The following SNRNP70 variants were observed in gnomAD, a reference collection of about 807,000 sequenced individuals.
SNRNP70 encodes the protein U1 small nuclear ribonucleoprotein 70 kDa.
In SNRNP70, 8 loss-of-function variants were observed where a neutral mutation model predicts 50.5. The observed-to-expected ratio is 0.16, with a 90% CI of 0.09 to 0.29. SNRNP70 has a LOEUF of 0.29. Ranked by LOEUF, SNRNP70 falls within the 10% of genes least tolerant of loss-of-function variation. The pLI is 1.00. For missense variants in SNRNP70, 529 were observed against 663.5 expected (o/e 0.80, Z 2.23); for synonymous variants, 320 against 252.9 (o/e 1.27, Z -2.52).
At chr19:49,087,046 A>C (rs2040390163) in intron 2 of SNRNP70, among the ~76,000 whole-genome samples, 1 of 151,608 alleles carries the variant, frequency 6.6e-6, no homozygotes, top group Non-Finnish European at 1.5e-5. Context: ...AATTAGCCGG[A>C]CATGGTGCCT....
At chr19:49,098,826 A>G in intron 6 of SNRNP70, 122 bp downstream of exon 6, 2 of 785,900 alleles carry the variant, frequency 2.5e-6, no homozygotes. Context: ...GCCTGGATTT[A>G]TGCATCCTGA....
At chr19:49,097,577 A>G (rs1215681200) in intron 4 of SNRNP70, among the ~76,000 whole-genome samples, 1 of 152,200 alleles carries the variant, frequency 6.6e-6, no homozygotes, top group Non-Finnish European at 1.5e-5. Context: ...CCAGAATGTG[A>G]CAGGGCTTCC....
Position 49,108,404 on chromosome 19 carries a change from T to C in SNRNP70, c.1275T>C (p.Ala425=). ...MESEGGDGYL[A]PENGYLMEAA... ...CTGAGGGCGGCGACGGCTACCTGGC[T>C]CCGGAGAATGGGTATTTGATGGAGG... Residue 425 remains alanine (A), a synonymous_variant, in exon 10 of 10, where the codon GCT becomes GCC. Transcript: ENST00000598441. 6.2e-7 allele frequency: 1 copy of C among 1,610,854 alleles called. No homozygotes were observed. The highest frequency in any genetic ancestry group is 2.2e-5 in the East Asian group (1 of 44,686).
At chr19:49,088,042 C>T (rs979018433) in intron 2 of SNRNP70, among the ~76,000 whole-genome samples, 1 of 151,770 alleles carries the variant, frequency 6.6e-6, no homozygotes, top group Non-Finnish European at 1.5e-5. Flanking sequence ...CAGGCATGCA[C>T]CACCACGCCT....
chr19:49,102,353 G>A (rs745391318), intron 7 of SNRNP70: 11 of 337,046 alleles, frequency 3.3e-5, no homozygotes, highest in South Asian at 2.2e-4. Context: ...GCCCCGATCC[G>A]TATGCTCTCT....
chr19:49,106,281 G>A (rs566514985), intron 8 of SNRNP70, among the ~76,000 whole-genome samples: 1 of 152,206 alleles, frequency 6.6e-6, no homozygotes, highest in African/African-American at 2.4e-5. Flanking sequence ...GAATCTTCTA[G>A]TTCAATTGCC....
In SNRNP70 at chr19:49,107,499, C is replaced by A. The variant is rs1455265491; in HGVS notation, c.578-126C>A. The A allele has an allele frequency of 2.4e-6, 2 of 819,794 alleles. No individual in the cohort carries two copies. Among genetic ancestry groups the A allele is most frequent in the African/African-American group, 3.4e-5 (2 of 58,614 alleles). 50.8% of individuals were successfully genotyped at this position (819,794 alleles called of 1,614,324 possible). Reference sequence around the variant, plus strand: ...GCGCGGGATGAACTGCACGGGGGGACCCGGCCCTGTGAACACTAAGCCAGG... The same window carrying A: ...GCGCGGGATGAACTGCACGGGGGGAACCGGCCCTGTGAACACTAAGCCAGG... On this transcript the variant is annotated intron_variant, in intron 8 of 9. Transcript: ENST00000598441. This position sits in a 1 kb window ranked among gnomAD's most constrained non-coding sequence, Gnocchi z 6.0.
At chr19:49,093,840 C>CAAAACA (rs534099055) in intron 4 of SNRNP70, among the ~76,000 whole-genome samples, 5 of 150,924 alleles carry the variant, frequency 3.3e-5, no homozygotes, top group Admixed American at 6.6e-5. Context: ...CTAAAAATAC[C>CAAAACA]AAAACAAAAA....
At chr19:49,092,197 C>A (rs1430241601) in intron 4 of SNRNP70, among the ~76,000 whole-genome samples, 1 of 152,194 alleles carries the variant, frequency 6.6e-6, no homozygotes. Flanking sequence ...CACCCTCCGC[C>A]TCCCAGGTTC....
At chr19:49,098,086 T>C (rs983660973) in intron 4 of SNRNP70, among the ~76,000 whole-genome samples, 7 of 152,352 alleles carry the variant, frequency 4.6e-5, no homozygotes, top group African/African-American at 1.7e-4. Context: ...TATTACTGTT[T>C]GGATCACCTT....
In SNRNP70 at chr19:49,104,318, C is replaced by T. The variant is rs897657054; in HGVS notation, c.476-316C>T. ...AGTTTCTTTGCAGCGATTTTGGCCG[C>T]CCTGGCGGGAGGGGGCTGTTCCATC... On this transcript the variant is annotated intron_variant, in intron 7 of 9. Coordinates refer to ENST00000598441, the MANE Select transcript of SNRNP70 (RefSeq NM_003089.6). This position sits in a 1 kb window ranked among gnomAD's most constrained non-coding sequence, Gnocchi z 5.4. 1 of 312,970 alleles carries T rather than the reference C, an allele frequency of 3.2e-6. No homozygotes were observed. The highest frequency in any genetic ancestry group is 5.1e-5 in the Admixed American group (1 of 19,664). The allele number at this position is 312,970 out of a possible 1,614,324, so 19.4% of individuals were successfully genotyped here.
chr19:49,091,600 C>T (rs1012797988), intron 4 of SNRNP70, among the ~76,000 whole-genome samples: 5 of 152,118 alleles, frequency 3.3e-5, no homozygotes, highest in Admixed American at 6.6e-5. Flanking sequence ...CATCATCAAA[C>T]GACGCACTTC....
chr19:49,098,822 AT>A, intron 6 of SNRNP70, 118 bp downstream of exon 6: 1 of 805,968 alleles, frequency 1.2e-6, no homozygotes, highest in East Asian at 2.5e-5. Context: ...CAGGGCCTGG[AT>A]TTATGCATCC....
In SNRNP70 at chr19:49,108,250, G is replaced by T; in HGVS notation, c.1121G>T (p.Arg374Leu). ...CGGGACCGGGATCGTGACCGTGACC[G>T]TGACCGCGAGCACAAACGGGGGGAG... Reference protein sequence around the residue: ...RRRDRDRDRDRDREHKRGERG... With the variant: ...RRRDRDRDRDLDREHKRGERG... Residue 374 changes from arginine (R) to leucine (L), a missense_variant, in exon 10 of 10, where the codon CGT becomes CTT. Arg to Leu is a moderately radical substitution (Grantham distance 102, BLOSUM62 -2). Coordinates refer to ENST00000598441, the MANE Select transcript of SNRNP70 (RefSeq NM_003089.6). 1 of 1,546,148 alleles carries T rather than the reference G, an allele frequency of 6.5e-7. No homozygotes were observed. The highest frequency in any genetic ancestry group is 8.7e-7 in the Non-Finnish European group (1 of 1,145,604).
In SNRNP70 at chr19:49,107,608, C is replaced by G; in HGVS notation, c.578-17C>G. On this transcript the variant is annotated splice_polypyrimidine_tract_variant and intron_variant, in intron 8 of 9. Coordinates refer to ENST00000598441, the MANE Select transcript of SNRNP70 (RefSeq NM_003089.6). This position sits in a 1 kb window ranked among gnomAD's most constrained non-coding sequence, Gnocchi z 6.0. Reference sequence around the variant, plus strand: ...TCCCTGCCCAGATTCACCCTCTGTCCGTCTGCCCTGCCCCAGGAGGAGGCC... The same window carrying G: ...TCCCTGCCCAGATTCACCCTCTGTCGGTCTGCCCTGCCCCAGGAGGAGGCC... The G allele has an allele frequency of 1.2e-6, 2 of 1,612,150 alleles. No homozygotes were observed. The highest frequency in any genetic ancestry group is 1.7e-6 in the Non-Finnish European group (2 of 1,178,288).
intron 8 of SNRNP70, among the ~76,000 whole-genome samples, chr19:49,105,521 G>T (rs949323732): frequency 3.9e-5 from 6 of 152,078 alleles, no homozygotes; most frequent in Non-Finnish European, 8.8e-5. Flanking sequence ...GAGGTCAGGA[G>T]TTCGAGACCA....
intron 4 of SNRNP70, 36 bp downstream of exon 4, chr19:49,090,556 C>T (rs1013804813): frequency 6.3e-7 from 1 of 1,598,256 alleles, no homozygotes; most frequent in Admixed American, 1.7e-5. Flanking sequence ...TCTCTCCTCT[C>T]CCAAACCCTC....
Position 49,104,265 on chromosome 19 carries a change from A to G in SNRNP70, c.476-369A>G, listed in dbSNP as rs948753157. ...GTTGTGGAGGAGCCCCCTCCCCCAC[A>G]GCAGAGTCCAGCGTGGAGTTAACCT... On this transcript the variant is annotated intron_variant, in intron 7 of 9. Transcript: ENST00000598441. The surrounding 1 kb of genome is among the most constrained non-coding windows in gnomAD (Gnocchi z 5.4). 2.0e-5 allele frequency: 4 copies of G among 195,424 alleles called. No individual in the cohort carries two copies. The highest frequency in any genetic ancestry group is 1.2e-4 in the Admixed American group (2 of 16,260). The allele number at this position is 195,424 out of a possible 1,614,324, so 12.1% of individuals were successfully genotyped here.
chr19:49,108,209 C>A lies in SNRNP70; in HGVS notation c.1080C>A (p.Ser360Arg). The change falls in exon 10 of 10, where the codon AGC (serine) becomes AGA (arginine). Residue 360 changes from serine to arginine, a missense_variant. Transcript: ENST00000598441. ...RDRERRRSHR[S>R]ERERRRDRDR... ...GGGAGCGACGGCGGAGCCACCGGAG[C>A]GAGCGCGAGCGGCGCCGGGACCGGG... The A allele has an allele frequency of 6.5e-7, 1 of 1,531,376 alleles. No homozygotes were observed. The allele number at this position is 1,531,376 out of a possible 1,614,324, so 94.9% of individuals were successfully genotyped here.
Sources: allele counts gnomAD v4.1 joint callset (sites outside exome capture counted in the v4.1 genomes callset), GRCh38; gene constraint gnomAD v4.1.1; non-coding constraint Gnocchi (gnomAD v3.1); transcripts MANE v1.5; gene names NCBI Gene and HGNC (gene_info 2026-07-23, HGNC 2026-07-21).